The following NFATC4 variants were observed in gnomAD, a reference collection of about 807,000 sequenced individuals.
NFATC4 encodes the protein nuclear factor of activated T-cells, cytoplasmic 4.
NFATC4 carries 25 observed loss-of-function variants against 73.4 expected under a neutral mutation model. That is an observed-to-expected ratio of 0.34 (90% CI 0.25 to 0.48). The LOEUF (loss-of-function observed/expected upper bound fraction) is 0.48, where lower values mean the gene tolerates loss of function less well. Among genes scored for constraint, NFATC4 ranks in the 20% least tolerant of loss-of-function variants. NFATC4 has a pLI of 0.99. For missense variants in NFATC4, 1,130 were observed against 1,203.7 expected (o/e 0.94, Z 0.91); for synonymous variants, 523 against 510.3 (o/e 1.02, Z -0.34).
chr14:24,375,881 G>A, intron 7 of NFATC4, 94 bp from the exon 8 acceptor site: 5 of 1,577,568 alleles, frequency 3.2e-6, no homozygotes, highest in Non-Finnish European at 4.3e-6. Flanking sequence ...CTTAGAAAAT[G>A]GAGAAGGCTA....
upstream of NFATC4, chr14:24,368,136 G>T (rs1239494787): frequency 6.2e-4 from 764 of 1,236,492 alleles, 1 homozygote; most frequent in Non-Finnish European, 7.3e-4. Flanking sequence ...CAGGCTGGGG[G>T]GGGGACCGCT....
intron 7 of NFATC4, 107 bp downstream of exon 7, chr14:24,375,822 G>C: frequency 6.5e-7 from 1 of 1,541,158 alleles, no homozygotes; most frequent in Non-Finnish European, 8.9e-7. Context: ...GGAGGAGGGA[G>C]ACTGGCCATT....
At chr14:24,367,476 C>T (rs2042337895), upstream of NFATC4, 2 of 1,535,456 alleles carry the variant, frequency 1.3e-6, no homozygotes, top group East Asian at 2.4e-5. Context: ...GGATCTACGC[C>T]CATCAAGGGC....
rs1432881814 is a variant in NFATC4 at position 24,376,390 on chromosome 14, C to T, written c.2153C>T (p.Pro718Leu). The T allele has an allele frequency of 6.2e-7, 1 of 1,613,330 alleles. No individual in the cohort carries two copies. The highest frequency in any genetic ancestry group is 1.7e-5 in the Admixed American group (1 of 59,936). The stretch of plus-strand genomic sequence containing the variant: ...GGCACTGACATGGACTTCTCACCAC[C>T]CAGGCCCCCCTACCCCTCCTATCCC... ...PFGTDMDFSPPRPPYPSYPHE... is the reference protein window; with the variant it reads ...PFGTDMDFSPLRPPYPSYPHE... Residue 718 changes from proline to leucine, a missense_variant, in exon 9 of 10, where the codon CCC (proline) becomes CTC (leucine). By Grantham distance (98) the Pro-to-Leu change is moderately conservative. Transcript: ENST00000250373. This position sits in a 1 kb window ranked among gnomAD's most constrained non-coding sequence, Gnocchi z 5.0.
At position 24,373,389 on chromosome 14, in the gene NFATC4, C is replaced by T. The variant is rs1409124514; in HGVS notation, c.1559+19C>T. On this transcript the variant is annotated intron_variant, in intron 4 of 9. Coordinates refer to ENST00000250373, the MANE Select transcript of NFATC4 (RefSeq NM_004554.5). The surrounding 1 kb of genome is among the most constrained non-coding windows in gnomAD (Gnocchi z 4.7). ...CGGCCAAGTAAGTCCCATGCAACTT[C>T]CCCTCAGTCCGCAGGCTTTGTACTA... The T allele has an allele frequency of 1.2e-6, 2 of 1,612,672 alleles. No homozygotes were observed. The highest frequency in any genetic ancestry group is 3.3e-5 in the Admixed American group (2 of 59,998).
In NFATC4 at chr14:24,376,517, G is replaced by C; in HGVS notation, c.2280G>C (p.Pro760=). ...PQTGPPPSYR[P]GLRMFPETRG... The stretch of plus-strand genomic sequence containing the variant: ...CGGGGCCCCCACCATCCTACAGACC[G>C]GGCCTGCGGATGTTCCCTGAGACTA... Residue 760 remains proline (P), a synonymous_variant, in exon 9 of 10, where the codon CCG becomes CCC. Coordinates refer to ENST00000250373, the MANE Select transcript of NFATC4 (RefSeq NM_004554.5). The surrounding 1 kb of genome is among the most constrained non-coding windows in gnomAD (Gnocchi z 5.0). 3 of 1,613,900 alleles carry C rather than the reference G, an allele frequency of 1.9e-6. No individual in the cohort carries two copies. Among genetic ancestry groups the C allele is most frequent in the South Asian group, 1.1e-5 (1 of 91,068 alleles).
At chr14:24,375,511 T>C in intron 6 of NFATC4, 149 bp from the exon 7 acceptor site, 1 of 721,514 alleles carries the variant, frequency 1.4e-6, no homozygotes, top group Non-Finnish European at 2.4e-6. Context: ...TCATATTAAG[T>C]TAACATGCAG....
At chr14:24,374,638 G>T in intron 6 of NFATC4, 172 bp downstream of exon 6, 1 of 589,618 alleles carries the variant, frequency 1.7e-6, no homozygotes, top group African/African-American at 1.9e-5. Flanking sequence ...TGTGGGATGG[G>T]TATGACAGCA....
chr14:24,367,335 G>T, upstream of NFATC4: 1 of 1,538,528 alleles, frequency 6.5e-7, no homozygotes, highest in Non-Finnish European at 8.7e-7. Flanking sequence ...AGAAGAGCCG[G>T]AGTGGGATGC....
Position 24,372,594 on chromosome 14 carries a change from C to T in NFATC4, c.1350C>T (p.Pro450=), listed in dbSNP as rs533117532. The change falls in exon 3 of 10, where the codon CCC becomes CCT. Residue 450 remains proline (P), a synonymous_variant. Transcript: ENST00000250373. ...GAVKAAPGGH[P]VVKLLGYSEK... is the part of the protein sequence containing the mutation. Reference sequence around the variant, plus strand: ...TCAAAGCTGCCCCTGGCGGTCACCCCGTAGTCAAGGTAAAGGACAGACAGC... The same window carrying T: ...TCAAAGCTGCCCCTGGCGGTCACCCTGTAGTCAAGGTAAAGGACAGACAGC... 99 of 1,613,966 alleles carry T rather than the reference C, an allele frequency of 6.1e-5. No homozygotes were observed. Among genetic ancestry groups the T allele is most frequent in the Admixed American group, 8.3e-5 (5 of 60,018 alleles).
chr14:24,371,263 G>A (rs2042465599), intron 2 of NFATC4, among the ~76,000 whole-genome samples: 1 of 152,340 alleles, frequency 6.6e-6, no homozygotes, highest in African/African-American at 2.4e-5. Flanking sequence ...CGTTAACACT[G>A]GTACCCCTGG....
In NFATC4 at chr14:24,369,885, G is replaced by C. The variant is rs374228196; in HGVS notation, c.487G>C (p.Gly163Arg). Residue 163 changes from glycine to arginine, a missense_variant, in exon 2 of 10, where the codon GGG becomes CGG. By Grantham distance (125) the Gly-to-Arg change is moderately radical. Around this residue, in one of 3 missense-constraint regions of NFATC4, gnomAD observed 585 missense variants for 574.3 expected, o/e 1.02. Transcript: ENST00000250373. ...GGYREAGGQG[G>R]GAFFSPSPGS... ...CTACAGAGAAGCAGGGGGCCAGGGT[G>C]GGGGGGCCTTCTTCAGCCCAAGCCC... The C allele has an allele frequency of 5.6e-6, 9 of 1,609,590 alleles. No homozygotes were observed. Among genetic ancestry groups the C allele is most frequent in the Admixed American group, 3.3e-5 (2 of 59,822 alleles).
rs1316681531 is a variant in NFATC4 at position 24,373,089 on chromosome 14, A to G, written c.1360-82A>G. On this transcript the variant is annotated intron_variant, in intron 3 of 9. Coordinates refer to ENST00000250373, the MANE Select transcript of NFATC4 (RefSeq NM_004554.5). The surrounding 1 kb of genome is among the most constrained non-coding windows in gnomAD (Gnocchi z 4.7). The stretch of plus-strand genomic sequence containing the variant: ...CTTTATCTTTCACCATTCCCATCCC[A>G]TGGTAGACTGAAAATCTAGGGATGA... The G allele has an allele frequency of 1.4e-5, 20 of 1,386,660 alleles. No individual in the cohort carries two copies. Among genetic ancestry groups the G allele is most frequent in the Non-Finnish European group, 2.0e-5 (20 of 992,966 alleles). 85.9% of individuals were successfully genotyped at this position (1,386,660 alleles called of 1,614,324 possible). A position where few individuals can be genotyped will look rare whatever the true frequency, so the allele number is the denominator to read the frequency against.
intron 3 of NFATC4, chr14:24,372,967 C>A: frequency 1.6e-6 from 1 of 629,516 alleles, no homozygotes; most frequent in Non-Finnish European, 2.7e-6. Context: ...GCCCAGCCCA[C>A]TTTGGGCTTT....
In NFATC4 at chr14:24,377,571, G is replaced by T; in HGVS notation, c.2642-67G>T. 6.2e-7 allele frequency: 1 copy of T among 1,611,924 alleles called. No individual in the cohort carries two copies. The highest frequency in any genetic ancestry group is 1.1e-5 in the South Asian group (1 of 90,942). On this transcript the variant is annotated intron_variant, in intron 9 of 9. Coordinates refer to ENST00000250373, the MANE Select transcript of NFATC4 (RefSeq NM_004554.5). This position sits in a 1 kb window ranked among gnomAD's most constrained non-coding sequence, Gnocchi z 4.2. Reference sequence around the variant, plus strand: ...TTAAGACCTGCCTGGAATGGATTGGGGGTGGGTCTTTGGAAAAGGAGGGGA... The same window carrying T: ...TTAAGACCTGCCTGGAATGGATTGGTGGTGGGTCTTTGGAAAAGGAGGGGA...
rs766889405 is a variant in NFATC4, at chr14:24,370,495, G to A, written c.1097G>A (p.Gly366Glu). 6.2e-7 allele frequency: 1 copy of A among 1,614,180 alleles called. No individual in the cohort carries two copies. Among genetic ancestry groups the A allele is most frequent in the Admixed American group, 1.7e-5 (1 of 60,026 alleles). ...LGAEESVAPPGGSRKEVAGMD... is the reference protein window; with the variant it reads ...LGAEESVAPPEGSRKEVAGMD... Reference sequence around the variant, plus strand: ...GCAGAGGAGTCTGTGGCTCCTCCAGGAGGTTCCCGGAAGGAGGTGGCTGGC... The same window carrying A: ...GCAGAGGAGTCTGTGGCTCCTCCAGAAGGTTCCCGGAAGGAGGTGGCTGGC... The change falls in exon 2 of 10, where the codon GGA (glycine) becomes GAA (glutamate). Residue 366 changes from glycine to glutamate, a missense_variant. Physicochemically the swap from Gly to Glu is moderately conservative, Grantham distance 98 (BLOSUM62 -2). Around this residue, in one of 3 missense-constraint regions of NFATC4, gnomAD observed 585 missense variants for 574.3 expected, o/e 1.02. Transcript: ENST00000250373.
intron 3 of NFATC4, chr14:24,372,828 C>A (rs2042509037): frequency 1.6e-6 from 1 of 624,920 alleles, no homozygotes; most frequent in Non-Finnish European, 2.8e-6. Context: ...ACACCAGCCT[C>A]ATGTCTACTC....
At position 24,376,906 on chromosome 14, in the gene NFATC4, G is replaced by T. The variant is rs2042640394; in HGVS notation, c.2641+28G>T. ...GGGTGTGGGACTGGGGGCTGTGAGT[G>T]TGAGTGTGTGCAAGAGATTGCTCTG... On this transcript the variant is annotated intron_variant, in intron 9 of 9. Transcript: ENST00000250373. The surrounding 1 kb of genome is among the most constrained non-coding windows in gnomAD (Gnocchi z 5.0). 5.3e-6 allele frequency: 8 copies of T among 1,516,488 alleles called. No homozygotes were observed. The highest frequency in any genetic ancestry group is 7.0e-6 in the Non-Finnish European group (8 of 1,135,320). 93.9% of individuals were successfully genotyped at this position (1,516,488 alleles called of 1,614,324 possible).
chr14:24,371,953 C>G (rs1324161536), intron 2 of NFATC4: 1 of 153,890 alleles, frequency 6.5e-6, no homozygotes, highest in African/African-American at 2.4e-5. Flanking sequence ...CTGCCTTGGC[C>G]TCCCAAAGTG....
Sources: gnomAD v4.1 joint callset for allele counts (sites outside exome capture counted in the v4.1 genomes callset) on GRCh38, gnomAD v4.1.1 for gene constraint, gnomAD v4.1.1 regional missense constraint, Gnocchi (gnomAD v3.1) non-coding constraint, MANE v1.5 for transcripts, NCBI Gene and HGNC (gene_info 2026-07-23, HGNC 2026-07-21) for gene names.